Variants in MCTP1 observed in about 807,000 individuals in gnomAD.
The protein encoded by MCTP1 is multiple C2 and transmembrane domain containing 1.
MCTP1 carries 69 observed loss-of-function variants against 120.6 expected under a neutral mutation model. That is an observed-to-expected ratio of 0.57 (90% CI 0.47 to 0.70). The LOEUF is 0.70. Among genes scored for constraint, MCTP1 ranks in the 30% least tolerant of loss-of-function variants. The pLI is 0.00. For missense variants in MCTP1, 1,203 were observed against 1,248.8 expected (o/e 0.96, Z 0.55); for synonymous variants, 529 against 493.1 (o/e 1.07, Z -0.96).
At chr5:95,025,725 G>A (rs1003028677) in intron 1 of MCTP1, among the ~76,000 whole-genome samples, 6 of 152,144 alleles carry the variant, frequency 3.9e-5, no homozygotes, top group African/African-American at 1.4e-4. Flanking sequence ...CCTCATTTTA[G>A]ATAGACTAGT....
chr5:94,960,468 T>G (rs2153555984), intron 2 of MCTP1, among the ~76,000 whole-genome samples: 1 of 152,188 alleles, frequency 6.6e-6, no homozygotes, highest in African/African-American at 2.4e-5. Context: ...GAAACTATCA[T>G]CAGAGTGAAC....
intron 2 of MCTP1, among the ~76,000 whole-genome samples, chr5:95,009,156 C>T (rs894921592): frequency 6.7e-6 from 1 of 149,636 alleles, no homozygotes; most frequent in Non-Finnish European, 1.5e-5. Context: ...TTGTTGGAGT[C>T]CTGGTTTGAG....
At chr5:95,006,896 C>A (rs1487056537) in intron 2 of MCTP1, among the ~76,000 whole-genome samples, 1 of 152,062 alleles carries the variant, frequency 6.6e-6, no homozygotes, top group African/African-American at 2.4e-5. Flanking sequence ...ACAATTATGT[C>A]AGTCAACAGG....
intron 1 of MCTP1, among the ~76,000 whole-genome samples, chr5:95,236,515 G>A (rs535724234): frequency 6.6e-6 from 1 of 152,230 alleles, no homozygotes; most frequent in African/African-American, 2.4e-5. Context: ...CGTGAGGACT[G>A]TCTAGTAGCC....
intron 19 of MCTP1, among the ~76,000 whole-genome samples, chr5:94,740,242 A>G (rs907944679): frequency 1.1e-4 from 17 of 152,202 alleles, no homozygotes; most frequent in Non-Finnish European, 1.8e-4. Context: ...ATACTCTTAC[A>G]ATAAAAAAGC....
At chr5:94,806,136 C>G (rs1405113478) in intron 17 of MCTP1, among the ~76,000 whole-genome samples, 1 of 151,852 alleles carries the variant, frequency 6.6e-6, no homozygotes, top group East Asian at 1.9e-4. Context: ...CACCATCTTA[C>G]ACGACTCTGA....
intron 1 of MCTP1, among the ~76,000 whole-genome samples, chr5:95,053,171 A>G (rs1562081391): frequency 6.6e-6 from 1 of 152,200 alleles, no homozygotes; most frequent in Non-Finnish European, 1.5e-5. Flanking sequence ...CGGAAGCTTG[A>G]AGTGACAATT....
chr5:94,778,522 G>T (rs1369001154), intron 19 of MCTP1, among the ~76,000 whole-genome samples: 1 of 151,964 alleles, frequency 6.6e-6, no homozygotes, highest in East Asian at 1.9e-4. Context: ...ATTTACTGTG[G>T]TCACCCTCCC....
intron 1 of MCTP1, among the ~76,000 whole-genome samples, chr5:95,109,427 C>T (rs1757305842): frequency 6.6e-6 from 1 of 152,120 alleles, no homozygotes; most frequent in South Asian, 2.1e-4. Flanking sequence ...TTGTTGCTCA[C>T]CAAGGAAACG....
chr5:94,848,241 A>G (rs1375477797), intron 17 of MCTP1, among the ~76,000 whole-genome samples: 1 of 152,188 alleles, frequency 6.6e-6, no homozygotes, highest in Non-Finnish European at 1.5e-5. Flanking sequence ...ATAAATATCT[A>G]AAATCAAATG....
chr5:95,111,749 A>G (rs4869234), intron 1 of MCTP1, among the ~76,000 whole-genome samples: 40,169 of 152,088 alleles, frequency 0.26, 5,904 homozygotes, highest in African/African-American at 0.38. Context: ...TTTTTTCCAA[A>G]TATTGAGACC....
chr5:94,920,622 G>A (rs1433891950), intron 7 of MCTP1, among the ~76,000 whole-genome samples: 2 of 151,942 alleles, frequency 1.3e-5, no homozygotes, highest in Non-Finnish European at 1.5e-5. Context: ...GGCGCTTGTA[G>A]TCCCAGCTAC....
intron 1 of MCTP1, among the ~76,000 whole-genome samples, chr5:95,076,072 C>T (rs1464474673): frequency 6.6e-6 from 1 of 152,016 alleles, no homozygotes; most frequent in Non-Finnish European, 1.5e-5. Flanking sequence ...CCTATATATG[C>T]TATTTTTTTC....
chr5:94,982,990 A>G (rs377055311), intron 2 of MCTP1, among the ~76,000 whole-genome samples: 4 of 151,862 alleles, frequency 2.6e-5, no homozygotes, highest in African/African-American at 7.2e-5. Flanking sequence ...GCATAAACAA[A>G]AATCAGATTT....
intron 18 of MCTP1, among the ~76,000 whole-genome samples, chr5:94,784,531 C>T (rs995087004): frequency 6.6e-6 from 1 of 152,020 alleles, no homozygotes; most frequent in East Asian, 1.9e-4. Context: ...CTTTTGCAAA[C>T]TGGTATAATT....
chr5:95,024,648 T>TACACACACACAC lies in MCTP1; in HGVS notation c.721-7176_721-7165dup, dbSNP rs111890273. On this transcript the variant is annotated intron_variant, in intron 1 of 22. Coordinates refer to ENST00000515393, the MANE Select transcript of MCTP1 (RefSeq NM_024717.7). ...GAGAAAGAAATGAAAGGCATTCAAA[T>TACACACACACAC]ACACACACACACACACACACACACA... Among the ~76,000 whole-genome samples, 1,098 of 146,328 alleles carry TACACACACACAC rather than the reference T, an allele frequency of 7.5e-3. 16 individuals are homozygous for TACACACACACAC. Among genetic ancestry groups the TACACACACACAC allele is most frequent in the African/African-American group, 0.027 (1,046 of 39,392 alleles).
intron 17 of MCTP1, among the ~76,000 whole-genome samples, chr5:94,844,674 A>G (rs561689148): frequency 3.3e-5 from 5 of 152,234 alleles, no homozygotes; most frequent in East Asian, 3.9e-4. Flanking sequence ...CAGCTCCCCA[A>G]CTGCTGGCTG....
intron 1 of MCTP1, among the ~76,000 whole-genome samples, chr5:95,273,438 C>T (rs1034341165): frequency 2.0e-5 from 3 of 152,260 alleles, no homozygotes; most frequent in Admixed American, 6.5e-5. Context: ...CAACAGAGCC[C>T]TTGGATCCCA....
chr5:94,744,142 ATTGT>A lies in MCTP1; in HGVS notation c.2611-29260_2611-29257del, dbSNP rs200277190. On this transcript the variant is annotated intron_variant, in intron 19 of 22. Coordinates refer to ENST00000515393, the MANE Select transcript of MCTP1 (RefSeq NM_024717.7). ...CACGCCACCACACCCAGCTAATGTT[ATTGT>A]TTGTTTGTTTGTTTGTTTTGCCATG... is the stretch of plus-strand genomic sequence containing the variant. Among the ~76,000 whole-genome samples the A allele has an allele frequency of 6.6e-3, 995 of 151,386 alleles. 11 individuals carry two copies. Among genetic ancestry groups the A allele is most frequent in the African/African-American group, 0.017 (719 of 41,222 alleles).
Sources: gnomAD v4.1 joint callset for allele counts (sites outside exome capture counted in the v4.1 genomes callset) on GRCh38, gnomAD v4.1.1 for gene constraint, MANE v1.5 for transcripts, NCBI Gene and HGNC (gene_info 2026-07-23, HGNC 2026-07-21) for gene names.